Variants in TMBIM4 observed in about 807,000 individuals in gnomAD.
TMBIM4 encodes protein lifeguard 4.
In TMBIM4, 28 loss-of-function variants were observed where a neutral mutation model predicts 27.7. That is an observed-to-expected ratio of 1.01 (90% CI 0.75 to 1.38). The LOEUF (loss-of-function observed/expected upper bound fraction) is 1.38. TMBIM4 is among the 40% of genes most tolerant of loss of function. The pLI is 0.00. For synonymous variants in TMBIM4, 115 were observed against 113.1 expected (o/e 1.02, Z -0.11); for missense variants, 265 against 277.5 (o/e 0.95, Z 0.32).
At chr12:66,159,316 A>T (rs2051996538) in intron 1 of TMBIM4, among the ~76,000 whole-genome samples, 1 of 152,174 alleles carries the variant, frequency 6.6e-6, no homozygotes, top group Non-Finnish European at 1.5e-5. Context: ...TGTCATGAGG[A>T]CACTGAAGCA....
chr12:66,140,481 AC>A (rs2051650605), intron 5 of TMBIM4, among the ~76,000 whole-genome samples: 6 of 152,194 alleles, frequency 3.9e-5, no homozygotes, highest in African/African-American at 1.4e-4. Context: ...AAACAAACAA[AC>A]AAAAAAAACA....
At chr12:66,152,484 GA>G in intron 2 of TMBIM4, 108 bp from the exon 3 acceptor site, 1 of 643,582 alleles carries the variant, frequency 1.6e-6, no homozygotes, top group Non-Finnish European at 2.4e-6. Context: ...AAGTACAGGG[GA>G]AAAAATCTGG....
At chr12:66,149,167 A>C (rs1431700796) in intron 3 of TMBIM4, among the ~76,000 whole-genome samples, 1 of 152,112 alleles carries the variant, frequency 6.6e-6, no homozygotes, top group Admixed American at 6.5e-5. Flanking sequence ...TGGGCTGGGC[A>C]TGGTGGCTCA....
intron 1 of TMBIM4, among the ~76,000 whole-genome samples, chr12:66,163,407 G>A (rs927068421): frequency 2.8e-4 from 43 of 152,130 alleles, no homozygotes; most frequent in Admixed American, 2.7e-3. Context: ...TATAAAGGAA[G>A]AGGTTTAATT....
chr12:66,144,971 T>G (rs2051727863), intron 5 of TMBIM4, among the ~76,000 whole-genome samples: 1 of 152,112 alleles, frequency 6.6e-6, no homozygotes, highest in African/African-American at 2.4e-5. Flanking sequence ...AGTTGGAGAT[T>G]GGGTTGAGAA....
At chr12:66,159,931 C>G (rs780774228) in intron 1 of TMBIM4, among the ~76,000 whole-genome samples, 3 of 152,224 alleles carry the variant, frequency 2.0e-5, no homozygotes, top group Non-Finnish European at 4.4e-5. Context: ...CCTTCACTCA[C>G]ATAGCTAAAA....
intron 1 of TMBIM4, among the ~76,000 whole-genome samples, chr12:66,157,792 G>A (rs1565787041): frequency 1.3e-5 from 2 of 152,188 alleles, no homozygotes; most frequent in South Asian, 4.1e-4. Flanking sequence ...AACAGTGTTA[G>A]CTATGGTAAC....
At chr12:66,140,463 A>G (rs2051649932) in intron 5 of TMBIM4, among the ~76,000 whole-genome samples, 1 of 152,180 alleles carries the variant, frequency 6.6e-6, no homozygotes, top group Non-Finnish European at 1.5e-5. Flanking sequence ...AGAGAAAAAG[A>G]CAAAGAAAAA....
chr12:66,141,142 G>A (rs2051661856), intron 5 of TMBIM4, among the ~76,000 whole-genome samples: 1 of 152,036 alleles, frequency 6.6e-6, no homozygotes. Flanking sequence ...ATGATATTAG[G>A]TGGAAATTTA....
chr12:66,148,723 A>T lies in TMBIM4; in HGVS notation c.313-782T>A, dbSNP rs17825931. Among the ~76,000 whole-genome samples the T allele has an allele frequency of 0.025, 3,873 of 152,310 alleles. 525 individuals carry two copies. In the East Asian group the frequency reaches 0.44, roughly 17 times the overall value. ...ACTAAATTGTCATTCAAATTTTTAC[A>T]TGAAGAGAAATAAACTATCTTGTTT... On this transcript the variant is annotated intron_variant, in intron 3 of 6. Coordinates refer to ENST00000358230, the MANE Select transcript of TMBIM4 (RefSeq NM_016056.4).
Position 66,153,347 on chromosome 12 carries a change from G to A in TMBIM4, c.199C>T (p.His67Tyr). The A allele has an allele frequency of 3.2e-6, 5 of 1,551,410 alleles. No homozygotes were observed. Among genetic ancestry groups the A allele is most frequent in the Non-Finnish European group, 4.4e-6 (5 of 1,136,998 alleles). The change falls in exon 2 of 7, where the codon CAT becomes TAT. Residue 67 changes from histidine to tyrosine, a missense_variant. His to Tyr is a moderately conservative substitution (Grantham distance 83). Transcript: ENST00000358230. ...ACCATCTCATTACCTTACCTCTCAT[G>A]TACAAATGTCCGTACAGACTCAAAG... ...LYFESVRTFVHESPALILLFA... is the reference protein window; with the variant it reads ...LYFESVRTFVYESPALILLFA...
intron 1 of TMBIM4, among the ~76,000 whole-genome samples, chr12:66,157,591 A>T (rs2051958738): frequency 6.6e-6 from 1 of 152,200 alleles, no homozygotes; most frequent in Non-Finnish European, 1.5e-5. Context: ...TATGGGAGAG[A>T]GCCTTTGGAA....
intron 1 of TMBIM4, among the ~76,000 whole-genome samples, chr12:66,159,054 CAAA>C (rs2051993454): frequency 6.6e-6 from 1 of 152,138 alleles, no homozygotes; most frequent in African/African-American, 2.4e-5. Flanking sequence ...ATATAGAAGA[CAAA>C]TAATTTGTGA....
At chr12:66,169,285 C>A (rs150876573) in intron 1 of TMBIM4, 1 of 699,548 alleles carries the variant, frequency 1.4e-6, no homozygotes, top group African/African-American at 1.7e-5. Context: ...ACAATTTAGA[C>A]TGACTTAGGA....
intron 5 of TMBIM4, among the ~76,000 whole-genome samples, chr12:66,143,739 C>T (rs1222773620): frequency 6.6e-6 from 1 of 152,122 alleles, no homozygotes; most frequent in East Asian, 1.9e-4. Context: ...CCTATTATGT[C>T]CCATAAACAG....
rs1002006016 is a variant in TMBIM4 at position 66,137,735 on chromosome 12, G to T, written c.*225C>A. 30 of 478,620 alleles carry T rather than the reference G, an allele frequency of 6.3e-5. No homozygotes were observed. The Admixed American group carries it at 7.9e-4, about 13-fold the overall frequency. The allele number at this position is 478,620 out of a possible 1,614,324, so 29.6% of individuals were successfully genotyped here. ...TAGAATTTTGATAGCTCTTAACTGA[G>T]ATCCTAAATCAAGGATTTAGAAATG... On this transcript the variant is annotated 3_prime_UTR_variant, in exon 7 of 7. Transcript: ENST00000358230.
intron 1 of TMBIM4, among the ~76,000 whole-genome samples, chr12:66,165,840 A>T (rs932499575): frequency 3.3e-5 from 5 of 152,154 alleles, no homozygotes; most frequent in African/African-American, 1.2e-4. Context: ...CTTACAGGAT[A>T]TATCATTTGC....
At chr12:66,154,819 C>T (rs2051905389) in intron 1 of TMBIM4, among the ~76,000 whole-genome samples, 1 of 152,136 alleles carries the variant, frequency 6.6e-6, no homozygotes, top group South Asian at 2.1e-4. Flanking sequence ...TTCATGAATA[C>T]TAAGGATTTA....
At chr12:66,158,420 C>G (rs1265020649) in intron 1 of TMBIM4, among the ~76,000 whole-genome samples, 1 of 151,932 alleles carries the variant, frequency 6.6e-6, no homozygotes, top group Non-Finnish European at 1.5e-5. Context: ...GCGGGCAGAT[C>G]ACGAGGTCAG....
Sources: gnomAD v4.1 joint callset for allele counts (sites outside exome capture counted in the v4.1 genomes callset) on GRCh38, gnomAD v4.1.1 for gene constraint, MANE v1.5 for transcripts, NCBI Gene and HGNC (gene_info 2026-07-23, HGNC 2026-07-21) for gene names.